The following DAOA variants were observed in gnomAD, a reference collection of about 807,000 sequenced individuals.
DAOA encodes D-amino acid oxidase activator.
A neutral mutation model predicts 16.4 loss-of-function variants in DAOA; 15 were observed. That is an observed-to-expected ratio of 0.91 (90% confidence interval 0.61 to 1.41). The LOEUF (loss-of-function observed/expected upper bound fraction) is 1.41. Ranked by LOEUF, DAOA falls within the 40% of genes most tolerant of loss-of-function variation. DAOA has a pLI of 0.00. For synonymous variants in DAOA, 75 were observed against 59.1 expected, an observed-to-expected ratio of 1.27 and a Z score of -1.23; for missense variants, 230 against 176.8, an observed-to-expected ratio of 1.30 and a Z score of -1.71.
intron 4 of DAOA, among the ~76,000 whole-genome samples, chr13:105,484,197 AT>A (rs923405837): frequency 7.4e-5 from 11 of 149,406 alleles, no homozygotes; most frequent in South Asian, 2.1e-4. Context: ...GTATAGGTCT[AT>A]TTTTTTTTTA....
chr13:105,474,694 C>T (rs886663308), intron 4 of DAOA, among the ~76,000 whole-genome samples: 1 of 152,094 alleles, frequency 6.6e-6, no homozygotes, highest in Admixed American at 6.5e-5. Flanking sequence ...GAAAATACTC[C>T]AGAATGGAAA....
chr13:105,466,647 C>T (rs1198740091), intron 2 of DAOA, among the ~76,000 whole-genome samples: 1 of 152,152 alleles, frequency 6.6e-6, no homozygotes, highest in Admixed American at 6.5e-5. Flanking sequence ...AAACCACCTC[C>T]CCCTCACTCC....
chr13:105,483,285 A>G (rs867565256), intron 4 of DAOA, among the ~76,000 whole-genome samples: 9 of 152,296 alleles, frequency 5.9e-5, no homozygotes, highest in African/African-American at 1.9e-4. Context: ...TCCAGGTTTC[A>G]GCTGCTGTAA....
At chr13:105,469,324 T>C (rs1423004966) in intron 3 of DAOA, among the ~76,000 whole-genome samples, 6 of 152,214 alleles carry the variant, frequency 3.9e-5, no homozygotes, top group South Asian at 4.1e-4. Context: ...TTTTCCTGTA[T>C]TAAAACTAAT....
intron 4 of DAOA, among the ~76,000 whole-genome samples, chr13:105,473,581 CT>C (rs1241245603): frequency 6.6e-6 from 1 of 152,010 alleles, no homozygotes; most frequent in African/African-American, 2.4e-5. Context: ...TCCTAAAGCC[CT>C]TTAGTTTGCC....
At chr13:105,472,808 C>T (rs1160921052) in intron 4 of DAOA, 123 bp downstream of exon 4, 2 of 790,104 alleles carry the variant, frequency 2.5e-6, no homozygotes, top group South Asian at 3.3e-5. Context: ...GAACTTTTAT[C>T]TAGCTCAGAG....
Position 105,470,758 on chromosome 13 carries a change from C to T in DAOA, c.134-1780C>T, listed in dbSNP as rs1162646713. On this transcript the variant is annotated intron_variant, in intron 3 of 5. Transcript: ENST00000375936. The stretch of plus-strand genomic sequence containing the variant: ...CCAAGCAGCTGAGACTACAGGCACA[C>T]ACCACCACAACTAGCTAATTTGTTT... Among the ~76,000 whole-genome samples the T allele has an allele frequency of 4.0e-5, 6 of 151,670 alleles. No individual in the cohort carries two copies. The East Asian group carries it at 1.2e-3, about 30-fold the overall frequency.
intron 4 of DAOA, among the ~76,000 whole-genome samples, chr13:105,484,981 A>C (rs1878012530): frequency 6.6e-6 from 1 of 152,104 alleles, no homozygotes; most frequent in East Asian, 1.9e-4. Context: ...ATCGTTTCAA[A>C]TGTCCTGTCT....
At chr13:105,468,212 G>A (rs1311697528) in intron 3 of DAOA, among the ~76,000 whole-genome samples, 1 of 152,102 alleles carries the variant, frequency 6.6e-6, no homozygotes, top group Non-Finnish European at 1.5e-5. Context: ...TCCACCTCCC[G>A]GTCGTTAACA....
chr13:105,489,844 C>T (rs72549490), intron 4 of DAOA, 57 bp from the exon 5 acceptor site: 27 of 1,613,372 alleles, frequency 1.7e-5, no homozygotes, highest in South Asian at 5.5e-5. Flanking sequence ...CACTTGACTC[C>T]GGTGATGAGG....
chr13:105,489,047 A>T (rs1437320122), intron 4 of DAOA, among the ~76,000 whole-genome samples: 1 of 152,200 alleles, frequency 6.6e-6, no homozygotes, highest in East Asian at 1.9e-4. Context: ...CACCTATTGC[A>T]TTACAATGTG....
intron 3 of DAOA, among the ~76,000 whole-genome samples, chr13:105,468,065 T>C (rs1023728906): frequency 6.6e-6 from 1 of 152,106 alleles, no homozygotes; most frequent in Non-Finnish European, 1.5e-5. Context: ...CTGCCCTCTG[T>C]CTTTAGAGTC....
intron 4 of DAOA, among the ~76,000 whole-genome samples, chr13:105,475,382 C>G (rs1877258818): frequency 6.6e-6 from 1 of 152,152 alleles, no homozygotes; most frequent in Admixed American, 6.6e-5. Flanking sequence ...GTGGATTTAT[C>G]AGGTGGCTAA....
chr13:105,466,530 C>A, intron 2 of DAOA, 198 bp downstream of exon 2: 1 of 830,452 alleles, frequency 1.2e-6, no homozygotes, highest in East Asian at 2.9e-5. Flanking sequence ...AGCCAAGGAT[C>A]ACTCATGTTA....
chr13:105,490,462 G>C (rs72549496), intron 5 of DAOA: 177 of 152,568 alleles, frequency 1.2e-3, no homozygotes, highest in Non-Finnish European at 1.9e-3. Context: ...ATTTATGTGG[G>C]AAAATATTCA....
intron 4 of DAOA, among the ~76,000 whole-genome samples, chr13:105,487,603 A>G (rs1285162992): frequency 6.8e-6 from 1 of 147,308 alleles, no homozygotes; most frequent in South Asian, 2.1e-4. Context: ...AAAAAAAAAA[A>G]CGGTTTGCAA....
Position 105,472,594 on chromosome 13 carries a change from A to T in DAOA, c.190A>T (p.Arg64Trp). 6.2e-7 allele frequency: 1 copy of T among 1,614,106 alleles called. No homozygotes were observed. The highest frequency in any genetic ancestry group is 8.5e-7 in the Non-Finnish European group (1 of 1,179,974). The change falls in exon 4 of 6, where the codon AGG (arginine) becomes TGG (tryptophan). Residue 64 changes from arginine (R) to tryptophan (W), a missense_variant. Transcript: ENST00000375936. ...AACAAGGAAAGAAGGATGGAAGAGA[A>T]GGCATGAGGACGGCTATTTGGAAAT... ...TVTRKEGWKR[R>W]HEDGYLEMAQ...
chr13:105,473,171 GTGTGTGTT>G (rs1877101663), intron 4 of DAOA, among the ~76,000 whole-genome samples: 1 of 151,780 alleles, frequency 6.6e-6, no homozygotes, highest in South Asian at 2.1e-4. Flanking sequence ...GTGTGTGTGT[GTGTGTGTT>G]TGTGTGTGTA....
At chr13:105,479,148 A>G (rs1488596518) in intron 4 of DAOA, among the ~76,000 whole-genome samples, 1 of 151,992 alleles carries the variant, frequency 6.6e-6, no homozygotes, top group Non-Finnish European at 1.5e-5. Flanking sequence ...CCATCTTTCC[A>G]TTTGAGGTTG....
Sources: allele counts gnomAD v4.1 joint callset (sites outside exome capture counted in the v4.1 genomes callset), GRCh38; gene constraint gnomAD v4.1.1; transcripts MANE v1.5; gene names NCBI Gene and HGNC (gene_info 2026-07-23, HGNC 2026-07-21).